Variants in AUTS2 observed in about 807,000 individuals in gnomAD.
AUTS2 encodes autism susceptibility gene 2 protein.
AUTS2 carries 17 observed loss-of-function variants against 112.4 expected under a neutral mutation model. The observed-to-expected ratio is 0.15, with a 90% CI of 0.10 to 0.23. AUTS2 has a LOEUF of 0.23. Ranked by LOEUF, AUTS2 falls within the 10% of genes least tolerant of loss-of-function variation. AUTS2 has a pLI of 1.00. For synonymous variants in AUTS2, 751 were observed against 702.7 expected, an observed-to-expected ratio of 1.07 and a Z score of -1.09; for missense variants, 1,510 against 1,701.6, an observed-to-expected ratio of 0.89 and a Z score of 1.98.
intron 4 of AUTS2, among the ~76,000 whole-genome samples, chr7:70,332,538 C>T (rs953877221): frequency 1.3e-5 from 2 of 152,142 alleles, no homozygotes; most frequent in Admixed American, 6.5e-5. Flanking sequence ...AAGCTGGAGG[C>T]GTCATGCTAC....
At chr7:70,724,863 G>A (rs886723795) in intron 6 of AUTS2, among the ~76,000 whole-genome samples, 1 of 152,152 alleles carries the variant, frequency 6.6e-6, no homozygotes, top group Admixed American at 6.5e-5. Flanking sequence ...ACAATTTACT[G>A]TCTCCATTAC....
chr7:70,734,205 C>G (rs1188545881), intron 6 of AUTS2, among the ~76,000 whole-genome samples: 2 of 151,760 alleles, frequency 1.3e-5, no homozygotes, highest in Non-Finnish European at 2.9e-5. Flanking sequence ...TTTGGGAGGC[C>G]GAGGCGGGCG....
intron 1 of AUTS2, among the ~76,000 whole-genome samples, chr7:69,662,952 AATAG>A (rs1795873273): frequency 7.2e-5 from 11 of 152,244 alleles, no homozygotes; most frequent in Admixed American, 7.2e-4. Context: ...GATTTCCACA[AATAG>A]ATCAGACCAG....
At chr7:70,264,635 A>G (rs1787331184) in intron 4 of AUTS2, among the ~76,000 whole-genome samples, 1 of 152,100 alleles carries the variant, frequency 6.6e-6, no homozygotes, top group Non-Finnish European at 1.5e-5. Flanking sequence ...TGGCTATGGG[A>G]CTAGTTTTAA....
chr7:69,734,642 T>TG (rs1786948594), intron 1 of AUTS2, among the ~76,000 whole-genome samples: 1 of 76,612 alleles, frequency 1.3e-5, no homozygotes, highest in South Asian at 4.0e-4. Flanking sequence ...ATTTGCTTGT[T>TG]GGGTTTTTTT....
chr7:70,270,756 G>C (rs1024987368), intron 4 of AUTS2, among the ~76,000 whole-genome samples: 1 of 152,178 alleles, frequency 6.6e-6, no homozygotes, highest in Non-Finnish European at 1.5e-5. Context: ...GCAGCAGAAT[G>C]AGGTGTACTT....
At chr7:70,771,168 TC>T (rs1190000031) in intron 10 of AUTS2, 1 of 157,662 alleles carries the variant, frequency 6.3e-6, no homozygotes, top group Non-Finnish European at 1.4e-5. Context: ...TCTGTCTTTT[TC>T]CCCCTCTAAT....
Position 70,637,027 on chromosome 7 carries a change from G to A in AUTS2, c.691-61542G>A, listed in dbSNP as rs114573329. Among the ~76,000 whole-genome samples, 832 of 152,252 alleles carry A rather than the reference G, an allele frequency of 5.5e-3. 8 individuals are homozygous for A. The highest frequency in any genetic ancestry group is 0.019 in the African/African-American group (782 of 41,530). On this transcript the variant is annotated intron_variant, in intron 5 of 18. Coordinates refer to ENST00000342771, the MANE Select transcript of AUTS2 (RefSeq NM_015570.4). ...AACACCTGCCAGTTTCCAGGCAAACGTGATCCTTATGTGTTATGTCAGGTA... is the reference window on the plus strand; with the variant it reads ...AACACCTGCCAGTTTCCAGGCAAACATGATCCTTATGTGTTATGTCAGGTA...
At chr7:70,689,753 G>A (rs1374099662) in intron 5 of AUTS2, among the ~76,000 whole-genome samples, 2 of 145,112 alleles carry the variant, frequency 1.4e-5, no homozygotes, top group Admixed American at 1.4e-4. Context: ...TCCAGCCTAG[G>A]CGACAGAGCA....
intron 6 of AUTS2, among the ~76,000 whole-genome samples, chr7:70,730,677 C>T (rs566491795): frequency 7.1e-6 from 1 of 141,770 alleles, no homozygotes; most frequent in South Asian, 2.5e-4. Flanking sequence ...CAAGTTGCTT[C>T]TATTTTTTTG....
At chr7:70,719,939 G>C (rs1810575404) in intron 6 of AUTS2, among the ~76,000 whole-genome samples, 1 of 152,192 alleles carries the variant, frequency 6.6e-6, no homozygotes, top group Admixed American at 6.5e-5. Context: ...TTAGTGACCA[G>C]ATATTAAGCC....
At chr7:70,711,282 T>G (rs1025430679) in intron 6 of AUTS2, among the ~76,000 whole-genome samples, 15 of 152,212 alleles carry the variant, frequency 9.9e-5, no homozygotes, top group Non-Finnish European at 1.9e-4. Context: ...AGGGTTTTTT[T>G]GGCATTTTAA....
intron 5 of AUTS2, among the ~76,000 whole-genome samples, chr7:70,691,778 G>A (rs751336475): frequency 1.3e-5 from 2 of 151,996 alleles, no homozygotes; most frequent in Non-Finnish European, 2.9e-5. Flanking sequence ...GCGTTCCCAG[G>A]TTCCTCTTGA....
intron 4 of AUTS2, among the ~76,000 whole-genome samples, chr7:70,414,267 C>T (rs570772449): frequency 3.9e-5 from 6 of 152,334 alleles, no homozygotes; most frequent in Admixed American, 1.3e-4. Flanking sequence ...AATGGGTCCA[C>T]AGGCGGTGAA....
intron 4 of AUTS2, among the ~76,000 whole-genome samples, chr7:70,238,910 A>G (rs1385282017): frequency 2.0e-5 from 3 of 152,072 alleles, no homozygotes; most frequent in African/African-American, 4.8e-5. Context: ...GATCAGACAG[A>G]TGTCAGTTTA....
chr7:70,245,845 CTCTA>C (rs1812894313), intron 4 of AUTS2, among the ~76,000 whole-genome samples: 1 of 152,060 alleles, frequency 6.6e-6, no homozygotes, highest in Admixed American at 6.6e-5. Context: ...CCAATTTCCA[CTCTA>C]ACTAGCAGTG....
intron 1 of AUTS2, among the ~76,000 whole-genome samples, chr7:69,720,283 G>T (rs774458787): frequency 6.6e-6 from 1 of 152,136 alleles, no homozygotes; most frequent in Non-Finnish European, 1.5e-5. Context: ...TTTCATAATA[G>T]AATGAATATA....
chr7:70,029,500 T>C (rs573209142), intron 2 of AUTS2, among the ~76,000 whole-genome samples: 2 of 152,126 alleles, frequency 1.3e-5, no homozygotes, highest in Non-Finnish European at 2.9e-5. Context: ...TTTGTTGAAT[T>C]GGATTATATC....
intron 6 of AUTS2, among the ~76,000 whole-genome samples, chr7:70,700,424 C>G (rs948764994): frequency 1.3e-5 from 2 of 152,116 alleles, no homozygotes; most frequent in African/African-American, 2.4e-5. Context: ...TTCCTTTGCC[C>G]CTTATTTCCA....
Sources: allele counts gnomAD v4.1 joint callset (sites outside exome capture counted in the v4.1 genomes callset), GRCh38; gene constraint gnomAD v4.1.1; transcripts MANE v1.5; gene names NCBI Gene and HGNC (gene_info 2026-07-23, HGNC 2026-07-21).